Variants in FRMPD1 observed in about 807,000 individuals in gnomAD.
The protein encoded by FRMPD1 is FERM and PDZ domain containing 1, also known as FERM and PDZ domain-containing protein 1.
In FRMPD1, 76 loss-of-function variants were observed where a neutral mutation model predicts 117.8. The observed-to-expected ratio is 0.65, with a 90% CI of 0.54 to 0.78. The LOEUF is 0.78. FRMPD1 is among the 30% of genes least tolerant of loss of function. The pLI is 0.00. For synonymous variants in FRMPD1, 783 were observed against 770.4 expected (o/e 1.02, Z -0.27); for missense variants, 1,786 against 1,964.5 (o/e 0.91, Z 1.72).
chr9:37,616,924 G>T, the FRMPD1 span, among the ~76,000 whole-genome samples: 3 of 152,334 alleles, frequency 2.0e-5, no homozygotes, highest in Admixed American at 2.0e-4. Context: ...GAAACATAGG[G>T]TTGAACGACC....
chr9:37,689,421 T>C (rs1290333141), intron 1 of FRMPD1, among the ~76,000 whole-genome samples: 1 of 152,168 alleles, frequency 6.6e-6, no homozygotes, highest in Non-Finnish European at 1.5e-5. Context: ...TTATTGCTAA[T>C]TCTCCCATAC....
At chr9:37,621,146 G>T in the FRMPD1 span, among the ~76,000 whole-genome samples, 2 of 152,186 alleles carry the variant, frequency 1.3e-5, no homozygotes, top group Non-Finnish European at 2.9e-5. Flanking sequence ...GGAAGGCAAA[G>T]AATGAGTAAC....
chr9:37,740,593 C>T lies in FRMPD1; in HGVS notation c.2065C>T (p.Leu689=), dbSNP rs773450912. The change falls in exon 15 of 16, where the codon CTG becomes TTG. Residue 689 remains leucine, a synonymous_variant. Transcript: ENST00000377765. The surrounding 1 kb of genome is among the most constrained non-coding windows in gnomAD (Gnocchi z 4.2). ...GGAGACATTTGGCTGGGCACCAGAA[C>T]TGAGCACAGTCAGGCTGGACCCCAG... ...ALETFGWAPE[L]STVRLDPRLY... The T allele has an allele frequency of 6.2e-7, 1 of 1,614,238 alleles. No individual in the cohort carries two copies. The highest frequency in any genetic ancestry group is 8.5e-7 in the Non-Finnish European group (1 of 1,180,044).
chr9:37,733,830 G>GT lies in FRMPD1; in HGVS notation c.1218+6dup, dbSNP rs111749017. 8,426 of 1,447,624 alleles carry GT rather than the reference G, an allele frequency of 5.8e-3. 424 individuals are homozygous for GT. The African/African-American group carries it at 0.1, about 18-fold the overall frequency. The allele number at this position is 1,447,624 out of a possible 1,614,324, so 89.7% of individuals were successfully genotyped here. A position where few individuals can be genotyped will look rare whatever the true frequency, so the allele number is the denominator to read the frequency against. ...ATCTTTAATGCTACTTTAATGGTAT[G>GT]TATTAGAGAACTGTGAAATCCTACT... is the stretch of plus-strand genomic sequence containing the variant. On this transcript the variant is annotated splice_donor_region_variant and intron_variant, in intron 12 of 15. Transcript: ENST00000377765.
chr9:37,731,167 T>A, intron 9 of FRMPD1, 64 bp downstream of exon 9: 1 of 1,508,412 alleles, frequency 6.6e-7, no homozygotes, highest in Non-Finnish European at 9.2e-7. Flanking sequence ...ACTGGGTGAT[T>A]TTGAACGTGA....
At chr9:37,709,618 C>T (rs899130544) in intron 4 of FRMPD1, among the ~76,000 whole-genome samples, 1 of 152,086 alleles carries the variant, frequency 6.6e-6, no homozygotes, top group Non-Finnish European at 1.5e-5. Flanking sequence ...GCTGGAGAGT[C>T]CTCCAACTTG....
chr9:37,667,477 A>C (rs966430271), intron 1 of FRMPD1, among the ~76,000 whole-genome samples: 5 of 149,198 alleles, frequency 3.4e-5, no homozygotes, highest in African/African-American at 1.2e-4. Context: ...GTTCAGGACC[A>C]GCCTGACCAA....
chr9:37,605,841 A>G, the FRMPD1 span, among the ~76,000 whole-genome samples: 2 of 151,948 alleles, frequency 1.3e-5, no homozygotes, highest in Non-Finnish European at 2.9e-5. Flanking sequence ...CAGCCTCCTG[A>G]GTAGCTGGGA....
At chr9:37,656,743 A>G (rs1820854655) in intron 1 of FRMPD1, among the ~76,000 whole-genome samples, 2 of 151,860 alleles carry the variant, frequency 1.3e-5, no homozygotes, top group African/African-American at 4.8e-5. Context: ...GGGAAGCCGG[A>G]CTAGGTGCTT....
At chr9:37,738,647 T>C (rs1824243866) in intron 14 of FRMPD1, among the ~76,000 whole-genome samples, 1 of 152,016 alleles carries the variant, frequency 6.6e-6, no homozygotes, top group Non-Finnish European at 1.5e-5. Context: ...CCTGTTACCT[T>C]TGTTGTTACA....
At chr9:37,689,626 T>C (rs10814601) in intron 1 of FRMPD1, among the ~76,000 whole-genome samples, 104,359 of 152,030 alleles carry the variant, frequency 0.69, 36,190 homozygotes, top group East Asian at 0.94. Context: ...TATATTCCAT[T>C]CCTAATATGC....
chr9:37,639,988 A>G, the FRMPD1 span, among the ~76,000 whole-genome samples: 1 of 152,258 alleles, frequency 6.6e-6, no homozygotes, highest in African/African-American at 2.4e-5. Context: ...GAACTCAGTC[A>G]GGCCAAGTAG....
intron 1 of FRMPD1, among the ~76,000 whole-genome samples, chr9:37,654,491 CTA>C (rs1288599930): frequency 6.6e-6 from 1 of 152,250 alleles, no homozygotes; most frequent in Admixed American, 6.5e-5. Flanking sequence ...ATATATTCCA[CTA>C]TCAGGTTATT....
At chr9:37,675,417 TAAA>T (rs55853255) in intron 1 of FRMPD1, among the ~76,000 whole-genome samples, 83 of 137,596 alleles carry the variant, frequency 6.0e-4, no homozygotes, top group African/African-American at 6.5e-4. Context: ...TGAGACTGTC[TAAA>T]AAAAAAAAAA....
chr9:37,738,497 G>A (rs571330587), intron 14 of FRMPD1, among the ~76,000 whole-genome samples: 82 of 152,142 alleles, frequency 5.4e-4, no homozygotes, highest in African/African-American at 1.9e-3. Context: ...CTGCCACCAC[G>A]CCCGGCTAAT....
chr9:37,674,110 C>G (rs1821445640), intron 1 of FRMPD1, among the ~76,000 whole-genome samples: 1 of 152,190 alleles, frequency 6.6e-6, no homozygotes, highest in African/African-American at 2.4e-5. Flanking sequence ...ATTTTCTGAA[C>G]TTTTATACTC....
At chr9:37,613,076 G>A in the FRMPD1 span, among the ~76,000 whole-genome samples, 1 of 152,196 alleles carries the variant, frequency 6.6e-6, no homozygotes, top group Non-Finnish European at 1.5e-5. Flanking sequence ...GCAAAGGCAA[G>A]GTGATTTTTC....
At chr9:37,741,417 G>A (rs1159394484) in intron 15 of FRMPD1, among the ~76,000 whole-genome samples, 1 of 149,740 alleles carries the variant, frequency 6.7e-6, no homozygotes, top group Non-Finnish European at 1.5e-5. Context: ...AGAGTGTGGA[G>A]GGTCTTTCCA....
In FRMPD1 at chr9:37,660,675, A is replaced by G. The variant is rs749908026; in HGVS notation, c.-5+9581A>G. Among the ~76,000 whole-genome samples, 93 of 152,154 alleles carry G rather than the reference A, an allele frequency of 6.1e-4. 1 individual carries two copies. Among genetic ancestry groups the G allele is most frequent in the Non-Finnish European group, 1.9e-4 (13 of 68,032 alleles). ...TCCCCACATCAAAATATGATGCTTT[A>G]TCTGGGATATCTTTTCCAGACTTTG... On this transcript the variant is annotated intron_variant, in intron 1 of 15. Transcript: ENST00000377765.
Sources: allele counts gnomAD v4.1 joint callset (sites outside exome capture counted in the v4.1 genomes callset), GRCh38; gene constraint gnomAD v4.1.1; non-coding constraint Gnocchi (gnomAD v3.1); transcripts MANE v1.5; gene names NCBI Gene and HGNC (gene_info 2026-07-23, HGNC 2026-07-21).